Variants in CDH13 observed in about 807,000 individuals in gnomAD.
CDH13 encodes the protein cadherin 13.
Under a neutral mutation model 63.8 loss-of-function variants are expected in CDH13, and 24 were observed. The observed-to-expected ratio is 0.38, with a 90% CI of 0.27 to 0.53. The LOEUF is 0.53. CDH13 is among the 20% of genes least tolerant of loss of function. The probability of loss-of-function intolerance (pLI) is 0.85; values close to 1 mark genes in which losing one functional copy is unlikely to be tolerated. For synonymous variants in CDH13, 503 were observed against 355.3 expected (o/e 1.42, Z -4.67); for missense variants, 1,049 against 903.1 (o/e 1.16, Z -2.07).
intron 1 of CDH13, among the ~76,000 whole-genome samples, chr16:82,836,471 A>G (rs2038773536): frequency 6.6e-6 from 1 of 152,128 alleles, no homozygotes; most frequent in African/African-American, 2.4e-5. Context: ...ATTAAAATTA[A>G]CAATGTTCAT....
intron 1 of CDH13, among the ~76,000 whole-genome samples, chr16:82,853,612 C>T (rs889932675): frequency 9.2e-5 from 14 of 152,208 alleles, no homozygotes; most frequent in Admixed American, 3.9e-4. Flanking sequence ...ACCAACGTGG[C>T]TTAAACCTGT....
chr16:83,270,689 A>G (rs868783114), intron 5 of CDH13, among the ~76,000 whole-genome samples: 1 of 152,136 alleles, frequency 6.6e-6, no homozygotes, highest in Non-Finnish European at 1.5e-5. Context: ...AGGAGGCTTC[A>G]TATTTTTCAA....
At chr16:83,026,838 T>C (rs1915851819) in intron 2 of CDH13, among the ~76,000 whole-genome samples, 1 of 152,202 alleles carries the variant, frequency 6.6e-6, no homozygotes, top group African/African-American at 2.4e-5. Context: ...TTTGGGGCTA[T>C]GCAAGTTTTA....
At chr16:83,362,022 A>T (rs2091171675) in intron 6 of CDH13, among the ~76,000 whole-genome samples, 1 of 152,110 alleles carries the variant, frequency 6.6e-6, no homozygotes. Flanking sequence ...GCAGTATCTC[A>T]TCTGTTTTTG....
chr16:82,790,457 G>T (rs567426667), intron 1 of CDH13, among the ~76,000 whole-genome samples: 2 of 152,158 alleles, frequency 1.3e-5, no homozygotes, highest in South Asian at 2.1e-4. Flanking sequence ...CAGAAAAATT[G>T]CTAATTATGC....
At chr16:83,482,451 A>G (rs1375834733) in intron 6 of CDH13, among the ~76,000 whole-genome samples, 1 of 152,250 alleles carries the variant, frequency 6.6e-6, no homozygotes, top group Non-Finnish European at 1.5e-5. Context: ...GAGGCACTGA[A>G]GAGTCCTCTG....
At chr16:82,703,437 G>C (rs1245879047) in intron 1 of CDH13, among the ~76,000 whole-genome samples, 3 of 152,120 alleles carry the variant, frequency 2.0e-5, no homozygotes, top group Non-Finnish European at 4.4e-5. Context: ...CTCAACCAGG[G>C]ATGAATACAG....
intron 1 of CDH13, among the ~76,000 whole-genome samples, chr16:82,804,019 A>G (rs939782567): frequency 6.6e-6 from 1 of 152,084 alleles, no homozygotes; most frequent in Admixed American, 6.5e-5. Context: ...CACGAGGTCA[A>G]GAGATCGAGA....
chr16:83,203,943 G>A (rs1255515525), intron 4 of CDH13, among the ~76,000 whole-genome samples: 1 of 152,166 alleles, frequency 6.6e-6, no homozygotes, highest in African/African-American at 2.4e-5. Context: ...AAGCTCAGGG[G>A]GTGTGAGAAG....
At chr16:82,970,601 T>G (rs1908594123) in intron 2 of CDH13, among the ~76,000 whole-genome samples, 1 of 117,476 alleles carries the variant, frequency 8.5e-6, no homozygotes, top group African/African-American at 2.7e-5. Context: ...GGGTTTCACC[T>G]TGTTAGCCAG....
At chr16:82,911,173 C>T (rs1380758353) in intron 2 of CDH13, among the ~76,000 whole-genome samples, 1 of 152,176 alleles carries the variant, frequency 6.6e-6, no homozygotes, top group Non-Finnish European at 1.5e-5. Flanking sequence ...ATAGTTTCCC[C>T]GAGCGCTGAA....
At chr16:83,370,253 T>C (rs2091339900) in intron 6 of CDH13, among the ~76,000 whole-genome samples, 1 of 151,906 alleles carries the variant, frequency 6.6e-6, no homozygotes, top group African/African-American at 2.4e-5. Context: ...CCGGGTGCGG[T>C]GGCGGGCGGC....
At chr16:83,355,890 A>T (rs2091043098) in intron 6 of CDH13, among the ~76,000 whole-genome samples, 1 of 152,132 alleles carries the variant, frequency 6.6e-6, no homozygotes, top group Admixed American at 6.5e-5. Flanking sequence ...TTTTTCTAGC[A>T]CTATTATGTA....
intron 2 of CDH13, among the ~76,000 whole-genome samples, chr16:82,933,527 C>T (rs1295454309): frequency 6.6e-6 from 1 of 152,150 alleles, no homozygotes; most frequent in Non-Finnish European, 1.5e-5. Flanking sequence ...TCTCAAATCT[C>T]ATGTTTCTCA....
intron 2 of CDH13, among the ~76,000 whole-genome samples, chr16:82,895,667 A>G (rs115882241): frequency 4.0e-5 from 6 of 148,328 alleles, no homozygotes; most frequent in East Asian, 2.0e-4. Flanking sequence ...AACATTACAT[A>G]CTAGGAAAGG....
At position 82,931,812 on chromosome 16, in the gene CDH13, TC is replaced by T. The variant is rs779778485; in HGVS notation, c.157+73343del. On this transcript the variant is annotated intron_variant, in intron 2 of 13. Transcript: ENST00000567109. Reference sequence around the variant, plus strand: ...CAAGAGAACAGTATGGAGGAAACCATCCCCATGATTCATTATTTCCCACATG... The same window carrying T: ...CAAGAGAACAGTATGGAGGAAACCATCCCATGATTCATTATTTCCCACATG... 5.1e-4 allele frequency among the ~76,000 whole-genome samples: 77 copies of T among 152,190 alleles called. 1 individual carries two copies. Among genetic ancestry groups the T allele is most frequent in the Middle Eastern group, 3.4e-3 (1 of 294 alleles).
chr16:82,696,073 T>A (rs1335641623), intron 1 of CDH13, among the ~76,000 whole-genome samples: 1 of 152,198 alleles, frequency 6.6e-6, no homozygotes, highest in African/African-American at 2.4e-5. Flanking sequence ...GTAAACTAGA[T>A]GTGCTTGACC....
rs572306154 is a variant in CDH13 at position 83,081,267 on chromosome 16, C to T, written c.367-44118C>T. Among the ~76,000 whole-genome samples, 5 of 152,216 alleles carry T rather than the reference C, an allele frequency of 3.3e-5. 1 individual carries two copies. The highest frequency in any genetic ancestry group is 1.2e-4 in the African/African-American group (5 of 41,546). Reference sequence around the variant, plus strand: ...TTATTGAGCACCTGCTGTGTATCAACCTCAGTAGAAGACCCAAGAGATATA... The same window carrying T: ...TTATTGAGCACCTGCTGTGTATCAATCTCAGTAGAAGACCCAAGAGATATA... On this transcript the variant is annotated intron_variant, in intron 3 of 13. Coordinates refer to ENST00000567109, the MANE Select transcript of CDH13 (RefSeq NM_001257.5).
chr16:83,306,787 G>A (rs1245238369), intron 5 of CDH13, among the ~76,000 whole-genome samples: 2 of 152,020 alleles, frequency 1.3e-5, no homozygotes, highest in Middle Eastern at 3.2e-3. Flanking sequence ...CACAGAAACT[G>A]GGAACCCACC....
Sources: gnomAD v4.1 joint callset for allele counts (sites outside exome capture counted in the v4.1 genomes callset) on GRCh38, gnomAD v4.1.1 for gene constraint, MANE v1.5 for transcripts, NCBI Gene and HGNC (gene_info 2026-07-23, HGNC 2026-07-21) for gene names.